Variants in ACOXL observed in about 807,000 individuals in gnomAD.
The protein encoded by ACOXL is acyl-coenzyme A oxidase-like protein.
In ACOXL, 70 loss-of-function variants were observed where a neutral mutation model predicts 71.9. The observed-to-expected ratio is 0.97, with a 90% CI of 0.80 to 1.19. The LOEUF is 1.19. Ranked by LOEUF, ACOXL falls within the 50% of genes most tolerant of loss-of-function variation. ACOXL has a pLI of 0.00. For missense variants in ACOXL, 703 were observed against 736.3 expected, an observed-to-expected ratio of 0.95 and a Z score of 0.52; for synonymous variants, 253 against 281.6, an observed-to-expected ratio of 0.90 and a Z score of 1.02.
chr2:110,812,569 TTTTCTG>T (rs1687465481), intron 9 of ACOXL, among the ~76,000 whole-genome samples: 1 of 152,246 alleles, frequency 6.6e-6, no homozygotes, highest in Admixed American at 6.5e-5. Context: ...CCGTATTTGG[TTTTCTG>T]TTTCTGTGTT....
chr2:110,969,010 G>A (rs1008781336), intron 12 of ACOXL, among the ~76,000 whole-genome samples: 1 of 152,108 alleles, frequency 6.6e-6, no homozygotes, highest in Non-Finnish European at 1.5e-5. Flanking sequence ...GAAATCAAGA[G>A]CAGAAAGAAA....
intron 1 of ACOXL, among the ~76,000 whole-genome samples, chr2:110,755,032 T>C (rs1040263578): frequency 6.6e-6 from 1 of 151,294 alleles, no homozygotes; most frequent in African/African-American, 2.4e-5. Flanking sequence ...CCTAGAGAGA[T>C]CTCTCTCTCT....
At chr2:110,792,275 T>C (rs557821570) in intron 3 of ACOXL, among the ~76,000 whole-genome samples, 1 of 152,200 alleles carries the variant, frequency 6.6e-6, no homozygotes, top group Admixed American at 6.5e-5. Flanking sequence ...AGATGAAAAC[T>C]GGGGTTGTAT....
intron 13 of ACOXL, among the ~76,000 whole-genome samples, chr2:110,988,404 C>T (rs941132018): frequency 6.6e-6 from 1 of 152,080 alleles, no homozygotes; most frequent in Admixed American, 6.5e-5. Flanking sequence ...CATGCCACTG[C>T]ACTCTAGCCT....
chr2:110,859,713 A>C (rs1254060154), intron 10 of ACOXL, among the ~76,000 whole-genome samples: 1 of 152,188 alleles, frequency 6.6e-6, no homozygotes, highest in Admixed American at 6.5e-5. Flanking sequence ...GGCAGACATA[A>C]GGTCTTATTT....
chr2:110,915,350 A>ATATATATATATATATATATGTG (rs1491355100), intron 11 of ACOXL, among the ~76,000 whole-genome samples: 27 of 113,600 alleles, frequency 2.4e-4, no homozygotes, highest in Non-Finnish European at 2.9e-4. Flanking sequence ...ATATATATAT[A>ATATATATATATATATATATGTG]TGTGTGTGTG....
intron 12 of ACOXL, among the ~76,000 whole-genome samples, chr2:110,967,233 T>C (rs754396442): frequency 6.6e-6 from 1 of 152,086 alleles, no homozygotes; most frequent in African/African-American, 2.4e-5. Context: ...GAATTAAAAA[T>C]ATAATGACTG....
chr2:111,099,554 C>T (rs886777113), intron 17 of ACOXL: 3 of 152,278 alleles, frequency 2.0e-5, no homozygotes, highest in Non-Finnish European at 2.9e-5. Context: ...TTGCTGCCCT[C>T]TCTGTGAGAC....
Position 110,799,044 on chromosome 2 carries a change from A to T in ACOXL, c.491A>T (p.Asp164Val). 1 of 1,613,868 alleles carries T rather than the reference A, an allele frequency of 6.2e-7. No homozygotes were observed. Among genetic ancestry groups the T allele is most frequent in the Non-Finnish European group, 8.5e-7 (1 of 1,179,896 alleles). Residue 164 changes from aspartate to valine, a missense_variant, in exon 7 of 18, where the codon GAT becomes GTT. By Grantham distance (152) the Asp-to-Val change is radical. Coordinates refer to ENST00000439055, the MANE Select transcript of ACOXL (RefSeq NM_001142807.4). ...CACTGTTTCATCGTTCCTGTCCGGG[A>T]TGAAAACGGAAGCTTGTACCCAGGA... Reference protein sequence around the residue: ...GPHCFIVPVRDENGSLYPGVT... With the variant: ...GPHCFIVPVRVENGSLYPGVT...
chr2:110,999,859 T>G (rs1055711615), intron 14 of ACOXL, among the ~76,000 whole-genome samples: 1 of 152,190 alleles, frequency 6.6e-6, no homozygotes, highest in African/African-American at 2.4e-5. Flanking sequence ...CAACACTTGC[T>G]GCAACCTCAT....
chr2:110,780,772 G>A (rs1165082007), intron 2 of ACOXL, among the ~76,000 whole-genome samples: 1 of 152,238 alleles, frequency 6.6e-6, no homozygotes, highest in Middle Eastern at 3.4e-3. Context: ...CGTGGCTCAT[G>A]CCTGTAATCC....
At chr2:111,060,109 G>A (rs1228686699) in intron 16 of ACOXL, among the ~76,000 whole-genome samples, 1 of 152,192 alleles carries the variant, frequency 6.6e-6, no homozygotes, top group African/African-American at 2.4e-5. Flanking sequence ...GGTTGTCAGA[G>A]GAGGCCTAGT....
chr2:111,000,322 A>G lies in ACOXL; in HGVS notation c.1281+4318A>G, dbSNP rs530990369. Among the ~76,000 whole-genome samples the G allele has an allele frequency of 2.0e-5, 3 of 152,302 alleles. No individual in the cohort carries two copies. In the South Asian group the frequency reaches 6.2e-4, roughly 32 times the overall value. On this transcript the variant is annotated intron_variant, in intron 14 of 17. Coordinates refer to ENST00000439055, the MANE Select transcript of ACOXL (RefSeq NM_001142807.4). ...AAGTGATCTAGCAAAGGAGATGTCC[A>G]TCCCGCAAGTTGAAGGTGTTGCCTG...
At chr2:111,030,796 G>C (rs1442490012) in intron 14 of ACOXL, among the ~76,000 whole-genome samples, 3 of 151,856 alleles carry the variant, frequency 2.0e-5, no homozygotes, top group Admixed American at 6.6e-5. Flanking sequence ...AGAAAGTCAA[G>C]AAGGAACAAA....
chr2:111,045,145 G>A (rs1420225184), intron 15 of ACOXL, among the ~76,000 whole-genome samples: 1 of 152,198 alleles, frequency 6.6e-6, no homozygotes, highest in East Asian at 1.9e-4. Context: ...GTCCCTTAGG[G>A]AGACTCATGC....
rs115309815 is a variant in ACOXL at position 110,734,622 on chromosome 2, C to T, written c.-23+1848C>T. ...TGCTTTAAGTCATACTGAGTTCAGT[C>T]GCATCTGATTAGACACACATCCCCT... On this transcript the variant is annotated intron_variant, in intron 1 of 17. Transcript: ENST00000439055. Among the ~76,000 whole-genome samples, 380 of 152,174 alleles carry T rather than the reference C, an allele frequency of 2.5e-3. 3 individuals are homozygous for T. Among genetic ancestry groups the T allele is most frequent in the African/African-American group, 5.7e-3 (237 of 41,500 alleles).
chr2:111,061,264 A>C (rs2066799344), intron 16 of ACOXL, among the ~76,000 whole-genome samples: 1 of 152,210 alleles, frequency 6.6e-6, no homozygotes, highest in Non-Finnish European at 1.5e-5. Flanking sequence ...TCTTAAAAGC[A>C]ATGAGAGAAA....
intron 15 of ACOXL, among the ~76,000 whole-genome samples, chr2:111,041,003 G>A (rs879707690): frequency 6.6e-6 from 1 of 152,138 alleles, no homozygotes; most frequent in Non-Finnish European, 1.5e-5. Flanking sequence ...AGGAGCAACA[G>A]CAGCAGGCCT....
At chr2:111,037,070 C>T (rs1463690590) in intron 15 of ACOXL, 2 of 152,174 alleles carry the variant, frequency 1.3e-5, no homozygotes, top group Non-Finnish European at 2.9e-5. Context: ...TTTAAGAACA[C>T]AGACTGCCCA....
Sources: allele counts gnomAD v4.1 joint callset (sites outside exome capture counted in the v4.1 genomes callset), GRCh38; gene constraint gnomAD v4.1.1; transcripts MANE v1.5; gene names NCBI Gene and HGNC (gene_info 2026-07-23, HGNC 2026-07-21).